TRIML2: variants seen among roughly 807,000 people sequenced by gnomAD.
The protein encoded by TRIML2 is probable E3 ubiquitin-protein ligase TRIML2.
TRIML2 carries 28 observed loss-of-function variants against 31.2 expected under a neutral mutation model. The observed-to-expected ratio is 0.90, with a 90% CI of 0.66 to 1.23. TRIML2 has a LOEUF of 1.23. Among genes scored for constraint, TRIML2 ranks in the 50% most tolerant of loss-of-function variants. The probability of loss-of-function intolerance (pLI) is 0.00; values close to 1 mark genes in which losing one functional copy is unlikely to be tolerated. For missense variants in TRIML2, 536 were observed against 528.3 expected, an observed-to-expected ratio of 1.01 and a Z score of -0.14; for synonymous variants, 187 against 197.5, an observed-to-expected ratio of 0.95 and a Z score of 0.45.
intron 7 of TRIML2, 44 bp from the exon 8 acceptor site, chr4:188,091,985 G>A (rs1365130063): frequency 6.4e-7 from 1 of 1,551,964 alleles, no homozygotes; most frequent in Non-Finnish European, 8.7e-7. Flanking sequence ...GTTCACCAAT[G>A]CCAATGCCAG....
intron 5 of TRIML2, among the ~76,000 whole-genome samples, 163 bp from the exon 6 acceptor site, chr4:188,097,509 A>G (rs1332322603): frequency 1.3e-5 from 2 of 152,202 alleles, no homozygotes; most frequent in South Asian, 4.1e-4. Context: ...GGAAACAGAA[A>G]AAGTCAGAAA....
chr4:188,101,266 A>G lies in TRIML2; in HGVS notation c.286-16T>C, dbSNP rs4862860. ...GTTCCTCTTCCTTCCTCATATAGAC[A>G]TGATAGACTTCAGGTTAAACATGAT... On this transcript the variant is annotated splice_polypyrimidine_tract_variant and intron_variant, in intron 3 of 7. Transcript: ENST00000682553. 229,609 of 1,578,520 alleles carry G rather than the reference A, an allele frequency of 0.15. 17,418 individuals are homozygous for G. Among genetic ancestry groups the G allele is most frequent in the Admixed American group, 0.23 (13,593 of 58,932 alleles).
intron 3 of TRIML2, among the ~76,000 whole-genome samples, chr4:188,102,791 G>T (rs961272200): frequency 1.3e-5 from 2 of 150,248 alleles, no homozygotes; most frequent in African/African-American, 4.9e-5. Flanking sequence ...GGAGGTTGCA[G>T]TGAGCCGAGA....
At chr4:188,093,473 A>G (rs1399641312) in intron 7 of TRIML2, among the ~76,000 whole-genome samples, 2 of 151,998 alleles carry the variant, frequency 1.3e-5, no homozygotes, top group East Asian at 3.9e-4. Flanking sequence ...CAGGACTTTG[A>G]GACCAGCCTG....
rs1358409698 is a variant in TRIML2 at position 188,100,166 on chromosome 4, AGGGTGTTTCT to A, written c.480+880_480+889del. ...TTGTGAGTCTTCTATTGACAAATAC[AGGGTGTTTCT>A]AACCTCTTGCTATGAATGTTATAAT... On this transcript the variant is annotated intron_variant, in intron 4 of 7. Coordinates refer to ENST00000682553, the MANE Select transcript of TRIML2 (RefSeq NM_173553.4). Among the ~76,000 whole-genome samples, 6 of 152,286 alleles carry A rather than the reference AGGGTGTTTCT, an allele frequency of 3.9e-5. No homozygotes were observed. In the East Asian group the frequency reaches 1.2e-3, roughly 29 times the overall value.
chr4:188,103,291 C>T lies in TRIML2; in HGVS notation c.285+1546G>A, dbSNP rs1004184142. On this transcript the variant is annotated intron_variant, in intron 3 of 7. Coordinates refer to ENST00000682553, the MANE Select transcript of TRIML2 (RefSeq NM_173553.4). ...CTGGGATTACAGGCATGAGCCACCA[C>T]GACCAGCCTGCTTTTACTATCTTAA... Among the ~76,000 whole-genome samples the T allele has an allele frequency of 3.3e-5, 5 of 152,264 alleles. No individual in the cohort carries two copies. In the East Asian group the frequency reaches 5.8e-4, roughly 18 times the overall value.
chr4:188,101,300 AACAC>A, intron 3 of TRIML2, 50 bp from the exon 4 acceptor site: 1 of 1,140,650 alleles, frequency 8.8e-7, no homozygotes, highest in Non-Finnish European at 1.3e-6. Context: ...ATAGATTAAC[AACAC>A]ACACACACGT....
intron 1 of TRIML2, among the ~76,000 whole-genome samples, chr4:188,106,347 G>A (rs1051921354): frequency 6.6e-6 from 1 of 152,204 alleles, no homozygotes; most frequent in African/African-American, 2.4e-5. Flanking sequence ...CACCGCGCCC[G>A]GCCGAAAACG....
chr4:188,098,004 C>T (rs1243065628), intron 5 of TRIML2, among the ~76,000 whole-genome samples: 2 of 151,664 alleles, frequency 1.3e-5, no homozygotes, highest in Non-Finnish European at 2.9e-5. Context: ...CGCCTGTAAT[C>T]CCAACTACTC....
intron 3 of TRIML2, 54 bp downstream of exon 3, chr4:188,104,783 C>A (rs976826553): frequency 7.2e-7 from 1 of 1,393,012 alleles, no homozygotes. Context: ...ACACTATTTT[C>A]TAACAACATT....
Position 188,105,363 on chromosome 4 carries a change from G to A in TRIML2, c.6C>T (p.Ser2=), listed in dbSNP as rs771002495. 4.4e-6 allele frequency: 7 copies of A among 1,576,794 alleles called. No individual in the cohort carries two copies. In the Admixed American group the frequency reaches 5.2e-5, roughly 12 times the overall value. M[S]KRLSPQLQHN... is the part of the protein sequence containing the mutation. ...GCTGTAACTGAGGGCTGAGCCTTTTGGACATCCTGGTAGGGGTCCCTAGTT... is the reference window on the plus strand; with the variant it reads ...GCTGTAACTGAGGGCTGAGCCTTTTAGACATCCTGGTAGGGGTCCCTAGTT... Residue 2 remains serine (S), a synonymous_variant, in exon 2 of 8, where the codon TCC becomes TCT. Transcript: ENST00000682553.
Position 188,105,593 on chromosome 4 carries a change from TG to T in TRIML2, c.-222-4del. The T allele has an allele frequency of 2.4e-6, 1 of 415,540 alleles. No homozygotes were observed. The highest frequency in any genetic ancestry group is 4.3e-6 in the Non-Finnish European group (1 of 230,460). 25.7% of individuals were successfully genotyped at this position (415,540 alleles called of 1,614,324 possible). On this transcript the variant is annotated splice_polypyrimidine_tract_variant and splice_region_variant and intron_variant, in intron 1 of 7. Coordinates refer to ENST00000682553, the MANE Select transcript of TRIML2 (RefSeq NM_173553.4). Reference sequence around the variant, plus strand: ...AACAAATTTCTGGCAGCTGCCTGCTTGGGGAAAAGACAGAGTTAGGCCAGTG... The same window carrying T: ...AACAAATTTCTGGCAGCTGCCTGCTTGGGAAAAGACAGAGTTAGGCCAGTG...
chr4:188,101,398 A>C, intron 3 of TRIML2, 148 bp from the exon 4 acceptor site: 6 of 462,076 alleles, frequency 1.3e-5, no homozygotes, highest in Middle Eastern at 6.2e-4. Context: ...TCTAACCCCA[A>C]TATAAAGACA....
intron 7 of TRIML2, among the ~76,000 whole-genome samples, chr4:188,095,453 G>A (rs1305729857): frequency 2.6e-5 from 4 of 152,092 alleles, no homozygotes; most frequent in African/African-American, 9.7e-5. Context: ...TAGAAAAGGG[G>A]TTTGTACATG....
At chr4:188,108,729 T>G (rs926738979) in intron 1 of TRIML2, among the ~76,000 whole-genome samples, 5 of 152,202 alleles carry the variant, frequency 3.3e-5, no homozygotes, top group Admixed American at 2.0e-4. Flanking sequence ...CAATTCCAGC[T>G]GCCTCTTCTT....
chr4:188,105,419 A>G lies in TRIML2; in HGVS notation c.-51T>C, dbSNP rs17884102. ...CTGGACTGTATGCTTCTACTGAGGT[A>G]TCTCCCTGCACTGTGAATGAGAAAA... is the stretch of plus-strand genomic sequence containing the variant. On this transcript the variant is annotated 5_prime_UTR_variant, in exon 2 of 8. Coordinates refer to ENST00000682553, the MANE Select transcript of TRIML2 (RefSeq NM_173553.4). 6.9e-3 allele frequency: 9,692 copies of G among 1,404,532 alleles called. 42 individuals carry two copies. Among genetic ancestry groups the G allele is most frequent in the Non-Finnish European group, 8.5e-3 (8,887 of 1,040,146 alleles). The allele number at this position is 1,404,532 out of a possible 1,614,324, so 87.0% of individuals were successfully genotyped here. A position where few individuals can be genotyped will look rare whatever the true frequency, so the allele number is the denominator to read the frequency against.
rs538742859 is a variant in TRIML2 at position 188,100,164 on chromosome 4, A to G, written c.480+892T>C. On this transcript the variant is annotated intron_variant, in intron 4 of 7. Coordinates refer to ENST00000682553, the MANE Select transcript of TRIML2 (RefSeq NM_173553.4). ...TTTTGTGAGTCTTCTATTGACAAATACAGGGTGTTTCTAACCTCTTGCTAT... is the reference window on the plus strand; with the variant it reads ...TTTTGTGAGTCTTCTATTGACAAATGCAGGGTGTTTCTAACCTCTTGCTAT... 2.6e-5 allele frequency among the ~76,000 whole-genome samples: 4 copies of G among 152,286 alleles called. No homozygotes were observed. The South Asian group carries it at 8.3e-4, about 32-fold the overall frequency.
intron 7 of TRIML2, among the ~76,000 whole-genome samples, chr4:188,093,714 A>T (rs1448970122): frequency 6.6e-6 from 1 of 152,200 alleles, no homozygotes; most frequent in African/African-American, 2.4e-5. Flanking sequence ...CAAGAGAAAA[A>T]GAACTTGATA....
At chr4:188,095,738 T>C (rs529901549) in intron 7 of TRIML2, among the ~76,000 whole-genome samples, 1 of 152,320 alleles carries the variant, frequency 6.6e-6, no homozygotes, top group East Asian at 1.9e-4. Context: ...TATGAAGCTG[T>C]GCCCACACAA....
Sources: allele counts gnomAD v4.1 joint callset (sites outside exome capture counted in the v4.1 genomes callset), GRCh38; gene constraint gnomAD v4.1.1; transcripts MANE v1.5; gene names NCBI Gene and HGNC (gene_info 2026-07-23, HGNC 2026-07-21).